LRRC32: variants seen among roughly 807,000 people sequenced by gnomAD.
LRRC32 encodes leucine rich repeat containing 32.
A neutral mutation model predicts 15.0 loss-of-function variants in LRRC32; 5 were observed. That is an observed-to-expected ratio of 0.33 (90% CI 0.17 to 0.70). The LOEUF (loss-of-function observed/expected upper bound fraction) is 0.70. Ranked by LOEUF, LRRC32 falls within the 30% of genes least tolerant of loss-of-function variation. The probability of loss-of-function intolerance (pLI) is 0.66; values close to 1 mark genes in which losing one functional copy is unlikely to be tolerated. For missense variants in LRRC32, 803 were observed against 854.2 expected (o/e 0.94, Z 0.75); for synonymous variants, 391 against 403.9 (o/e 0.97, Z 0.38).
At chr11:76,668,337 C>A (rs1952658517) in intron 1 of LRRC32, among the ~76,000 whole-genome samples, 1 of 152,128 alleles carries the variant, frequency 6.6e-6, no homozygotes, top group Non-Finnish European at 1.5e-5. Flanking sequence ...TGGCCTTGAC[C>A]ACAGCACCCT....
At chr11:76,667,847 A>T (rs1389826149) in intron 1 of LRRC32, among the ~76,000 whole-genome samples, 2 of 152,078 alleles carry the variant, frequency 1.3e-5, no homozygotes, top group Admixed American at 1.3e-4. Context: ...CCCTGAGCAG[A>T]TTTTCACTGC....
rs1835360665 is a variant in LRRC32, at chr11:76,668,473, A to T, written c.-5+2141T>A. ...CAGGCTATCCACAGTCTCCTCTCTGACTCTTGCCCATTTTCCCTTCCCTCA... is the reference window on the plus strand; with the variant it reads ...CAGGCTATCCACAGTCTCCTCTCTGTCTCTTGCCCATTTTCCCTTCCCTCA... On this transcript the variant is annotated intron_variant, in intron 1 of 2. Coordinates refer to ENST00000260061, the MANE Select transcript of LRRC32 (RefSeq NM_001128922.2). 2.0e-5 allele frequency among the ~76,000 whole-genome samples: 3 copies of T among 151,582 alleles called. No homozygotes were observed. The South Asian group carries it at 6.3e-4, about 32-fold the overall frequency.
intron 1 of LRRC32, among the ~76,000 whole-genome samples, chr11:76,669,611 C>T (rs568314439): frequency 2.6e-5 from 4 of 152,178 alleles, no homozygotes; most frequent in African/African-American, 9.6e-5. Context: ...CCCAGAGTTA[C>T]CCAGCTCATA....
In LRRC32 at chr11:76,659,576, C is replaced by G. The variant is rs1217834117; in HGVS notation, c.*28G>C. ...CTCTTCTCTGTACCTCAGGCTCCCC[C>G]ACTGACCTAGAGTGTCTCCCGGCTT... On this transcript the variant is annotated 3_prime_UTR_variant, in exon 3 of 3. Transcript: ENST00000260061. 8.1e-6 allele frequency: 13 copies of G among 1,601,816 alleles called. No homozygotes were observed. The highest frequency in any genetic ancestry group is 1.7e-5 in the Admixed American group (1 of 59,624).
intron 2 of LRRC32, among the ~76,000 whole-genome samples, chr11:76,665,638 T>C (rs1383992429): frequency 6.6e-6 from 1 of 152,182 alleles, no homozygotes; most frequent in Admixed American, 6.5e-5. Context: ...CAAGGCCCAA[T>C]CTCTCCAAGC....
At chr11:76,668,203 C>G (rs1252738146) in intron 1 of LRRC32, among the ~76,000 whole-genome samples, 3 of 152,172 alleles carry the variant, frequency 2.0e-5, no homozygotes, top group Non-Finnish European at 4.4e-5. Context: ...CCCTTCACCT[C>G]TCTGCAACGT....
chr11:76,660,747 C>T lies in LRRC32; in HGVS notation c.846G>A (p.Gly282=), dbSNP rs1173350990. The change falls in exon 3 of 3, where the codon GGG becomes GGA. Residue 282 remains glycine (G), a synonymous_variant. Coordinates refer to ENST00000260061, the MANE Select transcript of LRRC32 (RefSeq NM_001128922.2). The part of the protein sequence containing the change: ...LSNNLIRLPT[G]PPQDSKGIHA... The stretch of plus-strand genomic sequence containing the variant: ...GGATGCCCTTGCTGTCCTGGGGTGG[C>T]CCTGTGGGGAGCCGGATGAGGTTGT... The T allele has an allele frequency of 3.1e-6, 5 of 1,614,044 alleles. No individual in the cohort carries two copies. Among genetic ancestry groups the T allele is most frequent in the Middle Eastern group, 1.6e-4 (1 of 6,062 alleles).
Position 76,660,594 on chromosome 11 carries a change from G to C in LRRC32, c.999C>G (p.Ser333Arg). 1 of 1,614,208 alleles carries C rather than the reference G, an allele frequency of 6.2e-7. No individual in the cohort carries two copies. Among genetic ancestry groups the C allele is most frequent in the Non-Finnish European group, 8.5e-7 (1 of 1,180,036 alleles). ...SYNEIELIPD[S>R]FLEHLTSLCF... ...ACAGGGAGGTCAGGTGCTCAAGAAA[G>C]CTGTCGGGGATGAGCTCAATCTCAT... is the stretch of plus-strand genomic sequence containing the variant. Residue 333 changes from serine to arginine, a missense_variant, in exon 3 of 3, where the codon AGC (serine) becomes AGG (arginine). Physicochemically the swap from Ser to Arg is moderately radical, Grantham distance 110. Coordinates refer to ENST00000260061, the MANE Select transcript of LRRC32 (RefSeq NM_001128922.2).
chr11:76,659,661 C>A lies in LRRC32; in HGVS notation c.1932G>T (p.Thr644=), dbSNP rs140818811. The part of the protein sequence containing the change: ...FILVSAILLT[T]LAACCCVRRQ... ...GGCGGACGCAGCAGCAGGCGGCCAG[C>A]GTGGTGAGGAGGATGGCAGAGACCA... Residue 644 remains threonine, a synonymous_variant, in exon 3 of 3, where the codon ACG becomes ACT. Coordinates refer to ENST00000260061, the MANE Select transcript of LRRC32 (RefSeq NM_001128922.2). 6 of 1,614,070 alleles carry A rather than the reference C, an allele frequency of 3.7e-6. No homozygotes were observed. In the African/African-American group the frequency reaches 4.0e-5, roughly 11 times the overall value.
intron 2 of LRRC32, among the ~76,000 whole-genome samples, chr11:76,664,614 AGGTCCCTGGTG>A (rs1262674111): frequency 6.6e-6 from 1 of 152,218 alleles, no homozygotes; most frequent in East Asian, 1.9e-4. Context: ...CGAATCCTGT[AGGTCCCTGGTG>A]GGTCACACAT....
intron 1 of LRRC32, among the ~76,000 whole-genome samples, chr11:76,667,289 C>T (rs1952641022): frequency 6.6e-6 from 1 of 152,234 alleles, no homozygotes; most frequent in Non-Finnish European, 1.5e-5. Flanking sequence ...GGTGAACAAG[C>T]CACCGGCCCA....
intron 2 of LRRC32, among the ~76,000 whole-genome samples, chr11:76,664,092 C>T (rs550043802): frequency 6.6e-6 from 1 of 152,200 alleles, no homozygotes; most frequent in East Asian, 1.9e-4. Flanking sequence ...CCGCGTGTTA[C>T]CCCCGGGCAA....
chr11:76,669,390 AG>A (rs1952677132), intron 1 of LRRC32, among the ~76,000 whole-genome samples: 3 of 129,082 alleles, frequency 2.3e-5, no homozygotes, highest in Non-Finnish European at 3.3e-5. Flanking sequence ...TGTGTGTGAG[AG>A]AGAGAGAGAG....
rs189965093 is a variant in LRRC32, at chr11:76,668,645, C to G, written c.-5+1969G>C. Among the ~76,000 whole-genome samples, 82 of 152,326 alleles carry G rather than the reference C, an allele frequency of 5.4e-4. 1 individual carries two copies. Among genetic ancestry groups the G allele is most frequent in the Admixed American group, 4.7e-3 (72 of 15,306 alleles). On this transcript the variant is annotated intron_variant, in intron 1 of 2. Coordinates refer to ENST00000260061, the MANE Select transcript of LRRC32 (RefSeq NM_001128922.2). ...TTTCCCACATTTATCATTTCCTCAT[C>G]ATTTATTTCTTATCATGTGGGAACA...
At chr11:76,661,860 C>T (rs1356553350) in intron 2 of LRRC32, among the ~76,000 whole-genome samples, 2 of 152,180 alleles carry the variant, frequency 1.3e-5, no homozygotes, top group Non-Finnish European at 2.9e-5. Context: ...GCCATATATC[C>T]CACAGAGTGA....
Position 76,660,827 on chromosome 11 carries a change from G to A in LRRC32, c.766C>T (p.Leu256Phe), listed in dbSNP as rs1952511328. ...TWLDLRENKL[L>F]HFPDLAALPR... ...AGCGCGGCCAGGTCGGGGAAATGGAGCAGTTTGTTCTCCCGCAGGTCAAGC... is the reference window on the plus strand; with the variant it reads ...AGCGCGGCCAGGTCGGGGAAATGGAACAGTTTGTTCTCCCGCAGGTCAAGC... The change falls in exon 3 of 3, where the codon CTC (leucine) becomes TTC (phenylalanine). Residue 256 changes from leucine (L) to phenylalanine (F), a missense_variant. Physicochemically the swap from Leu to Phe is conservative, Grantham distance 22. Transcript: ENST00000260061. The A allele has an allele frequency of 6.2e-7, 1 of 1,614,218 alleles. No homozygotes were observed. The highest frequency in any genetic ancestry group is 1.7e-5 in the Admixed American group (1 of 60,026).
chr11:76,665,916 G>T lies in LRRC32; in HGVS notation c.39C>A (p.Thr13=). ...PQILLLLALL[T]LGLAAQHQDK... Reference sequence around the variant, plus strand: ...CTTGGTGTTGTGCAGCCAGGCCTAGGGTCAGCAGGGCCAGGAGCAGCAGGA... The same window carrying T: ...CTTGGTGTTGTGCAGCCAGGCCTAGTGTCAGCAGGGCCAGGAGCAGCAGGA... The change falls in exon 2 of 3, where the codon ACC becomes ACA. Residue 13 remains threonine, a synonymous_variant. Coordinates refer to ENST00000260061, the MANE Select transcript of LRRC32 (RefSeq NM_001128922.2). The T allele has an allele frequency of 6.2e-7, 1 of 1,614,082 alleles. No individual in the cohort carries two copies. The highest frequency in any genetic ancestry group is 2.2e-5 in the East Asian group (1 of 44,880).
rs757814233 is a variant in LRRC32 at position 76,661,199 on chromosome 11, A to G, written c.394T>C (p.Ser132Pro). Residue 132 changes from serine to proline, a missense_variant, in exon 3 of 3, where the codon TCT becomes CCT. Coordinates refer to ENST00000260061, the MANE Select transcript of LRRC32 (RefSeq NM_001128922.2). ...PLPRVTSLDLSGNSLYSGLLE... is the reference protein window; with the variant it reads ...PLPRVTSLDLPGNSLYSGLLE... ...AGGCCGCTGTACAGGCTGTTCCCAG[A>G]CAGGTCCAGGGAGGTCACGCGTGGC... 1 of 1,613,820 alleles carries G rather than the reference A, an allele frequency of 6.2e-7. No homozygotes were observed. The highest frequency in any genetic ancestry group is 1.3e-5 in the African/African-American group (1 of 75,042).
At chr11:76,662,446 C>T (rs1319647519) in intron 2 of LRRC32, among the ~76,000 whole-genome samples, 6 of 152,156 alleles carry the variant, frequency 3.9e-5, no homozygotes, top group African/African-American at 1.4e-4. Context: ...CCCCTATTTA[C>T]AGAAATCTAG....
Sources: allele counts gnomAD v4.1 joint callset (sites outside exome capture counted in the v4.1 genomes callset), GRCh38; gene constraint gnomAD v4.1.1; transcripts MANE v1.5; gene names NCBI Gene and HGNC (gene_info 2026-07-23, HGNC 2026-07-21).